ZSCAN25: variants seen among roughly 807,000 people sequenced by gnomAD.
The protein encoded by ZSCAN25 is zinc finger and SCAN domain containing 25.
Under a neutral mutation model 38.7 loss-of-function variants are expected in ZSCAN25, and 27 were observed. That is an observed-to-expected ratio of 0.70 (90% CI 0.51 to 0.96). The LOEUF (loss-of-function observed/expected upper bound fraction) is 0.96, where lower values mean the gene tolerates loss of function less well. Among genes scored for constraint, ZSCAN25 ranks in the 40% least tolerant of loss-of-function variants. The probability of loss-of-function intolerance (pLI) is 0.00; values close to 1 mark genes in which losing one functional copy is unlikely to be tolerated. For synonymous variants in ZSCAN25, 273 were observed against 277.7 expected (o/e 0.98, Z 0.17); for missense variants, 637 against 705.9 (o/e 0.90, Z 1.11).
chr7:99,668,864 C>T, the ZSCAN25 span, among the ~76,000 whole-genome samples: 33 of 152,292 alleles, frequency 2.2e-4, 1 homozygote, highest in South Asian at 5.6e-3. Flanking sequence ...GTTGAATTGA[C>T]ACTGTCAGGT....
At chr7:99,710,918 G>A in the ZSCAN25 span, 8 of 1,613,174 alleles carry the variant, frequency 5.0e-6, no homozygotes, top group African/African-American at 1.3e-5. Flanking sequence ...AGACATTTTA[G>A]GTAAATCAGG....
chr7:99,623,726 A>C (rs996096981), intron 6 of ZSCAN25, among the ~76,000 whole-genome samples: 1 of 152,182 alleles, frequency 6.6e-6, no homozygotes, highest in Non-Finnish European at 1.5e-5. Context: ...TTGAGGATGC[A>C]TTTATTTTAT....
chr7:99,666,827 AAG>A, the ZSCAN25 span: 1 of 1,578,996 alleles, frequency 6.3e-7, no homozygotes, highest in East Asian at 2.3e-5. Context: ...ATAAAGATAA[AAG>A]ACCATTTTTA....
chr7:99,658,177 C>T, the ZSCAN25 span, among the ~76,000 whole-genome samples: 4 of 152,106 alleles, frequency 2.6e-5, no homozygotes, highest in South Asian at 2.1e-4. Context: ...TCCTTAGCCT[C>T]GATGGTCTTT....
chr7:99,696,082 A>G, the ZSCAN25 span, among the ~76,000 whole-genome samples: 1 of 152,220 alleles, frequency 6.6e-6, no homozygotes, highest in Non-Finnish European at 1.5e-5. Flanking sequence ...TATGGTCCCA[A>G]TCCTGGAATG....
the ZSCAN25 span, chr7:99,672,613 C>T: frequency 6.2e-7 from 1 of 1,614,094 alleles, no homozygotes; most frequent in Non-Finnish European, 8.5e-7. Flanking sequence ...AACATTCTTT[C>T]ACTAGCACTG....
At chr7:99,722,675 T>A in the ZSCAN25 span, among the ~76,000 whole-genome samples, 1 of 152,204 alleles carries the variant, frequency 6.6e-6, no homozygotes, top group Non-Finnish European at 1.5e-5. Context: ...CCTTGAATGA[T>A]CACCTCTAGG....
rs371091015 is a variant in ZSCAN25 at position 99,630,925 on chromosome 7, A to C, written c.*905A>C. The C allele has an allele frequency of 3.2e-5, 31 of 967,362 alleles. No individual in the cohort carries two copies. The African/African-American group carries it at 4.9e-4, about 15-fold the overall frequency. The allele number at this position is 967,362 out of a possible 1,614,324, so 59.9% of individuals were successfully genotyped here. A position where few individuals can be genotyped will look rare whatever the true frequency, so the allele number is the denominator to read the frequency against. ...AGATGAACTCTAGTATTAATGCCCTATATTTGATGGCACTTTATAGTTCAT... is the reference window on the plus strand; with the variant it reads ...AGATGAACTCTAGTATTAATGCCCTCTATTTGATGGCACTTTATAGTTCAT... On this transcript the variant is annotated 3_prime_UTR_variant, in exon 8 of 8. Transcript: ENST00000394152.
At chr7:99,695,618 T>C in the ZSCAN25 span, 2 of 764,768 alleles carry the variant, frequency 2.6e-6, no homozygotes, top group East Asian at 5.4e-5. Context: ...CTCTGGATGA[T>C]GCCTATACAC....
chr7:99,670,416 C>CA, the ZSCAN25 span, among the ~76,000 whole-genome samples: 51 of 152,290 alleles, frequency 3.3e-4, no homozygotes, highest in African/African-American at 1.2e-3. Context: ...GTTGGCTAAA[C>CA]ATGGTCCTGT....
chr7:99,692,180 T>C, the ZSCAN25 span, among the ~76,000 whole-genome samples: 1 of 152,148 alleles, frequency 6.6e-6, no homozygotes, highest in Non-Finnish European at 1.5e-5. Context: ...ATAAGAAATT[T>C]TGGGTTGAAA....
the ZSCAN25 span, among the ~76,000 whole-genome samples, chr7:99,696,283 T>G: frequency 2.0e-5 from 3 of 151,802 alleles, no homozygotes; most frequent in African/African-American, 7.3e-5. Context: ...TTTGCATCAC[T>G]GCATCCACTC....
At chr7:99,732,364 T>C in the ZSCAN25 span, among the ~76,000 whole-genome samples, 1 of 152,162 alleles carries the variant, frequency 6.6e-6, no homozygotes, top group East Asian at 1.9e-4. Context: ...TTAAATCTCT[T>C]TCCTTTCTAA....
the ZSCAN25 span, among the ~76,000 whole-genome samples, chr7:99,697,326 A>C: frequency 6.6e-6 from 1 of 152,104 alleles, no homozygotes; most frequent in Admixed American, 6.6e-5. Flanking sequence ...TCCCAGTCTG[A>C]TGTTACTGAG....
At chr7:99,687,126 C>T in the ZSCAN25 span, among the ~76,000 whole-genome samples, 3 of 152,200 alleles carry the variant, frequency 2.0e-5, no homozygotes, top group Admixed American at 1.3e-4. Context: ...CTCTCCTCCT[C>T]CAAAGGAATG....
At chr7:99,682,870 T>G in the ZSCAN25 span, among the ~76,000 whole-genome samples, 1 of 152,208 alleles carries the variant, frequency 6.6e-6, no homozygotes, top group Admixed American at 6.5e-5. Context: ...TAGTTTTATT[T>G]GGGGTTATTG....
At chr7:99,639,619 C>T in the ZSCAN25 span, among the ~76,000 whole-genome samples, 1 of 152,154 alleles carries the variant, frequency 6.6e-6, no homozygotes. Flanking sequence ...GCTCTTTACT[C>T]CATAATAGGA....
the ZSCAN25 span, among the ~76,000 whole-genome samples, chr7:99,727,356 T>C: frequency 6.6e-6 from 1 of 152,194 alleles, no homozygotes; most frequent in African/African-American, 2.4e-5. Flanking sequence ...ACTCACTCCA[T>C]ACAGTTCTCA....
downstream of ZSCAN25, among the ~76,000 whole-genome samples, chr7:99,635,871 C>T (rs887495736): frequency 3.3e-5 from 5 of 151,910 alleles, no homozygotes; most frequent in African/African-American, 1.2e-4. Context: ...CATGGTGAAA[C>T]CCCGTGTCTG....
Sources: gnomAD v4.1 joint callset for allele counts (sites outside exome capture counted in the v4.1 genomes callset) on GRCh38, gnomAD v4.1.1 for gene constraint, MANE v1.5 for transcripts, NCBI Gene and HGNC (gene_info 2026-07-23, HGNC 2026-07-21) for gene names.